The following ARHGAP42 variants were observed in gnomAD, a reference collection of about 807,000 sequenced individuals.
ARHGAP42 encodes the protein rho GTPase-activating protein 42.
Under a neutral mutation model 125.0 loss-of-function variants are expected in ARHGAP42, and 63 were observed. The observed-to-expected ratio is 0.50, with a 90% CI of 0.41 to 0.62. The LOEUF (loss-of-function observed/expected upper bound fraction) is 0.62. Ranked by LOEUF, ARHGAP42 falls within the 20% of genes least tolerant of loss-of-function variation. ARHGAP42 has a pLI of 0.00. For missense variants in ARHGAP42, 766 were observed against 1,024.2 expected (o/e 0.75, Z 3.44); for synonymous variants, 339 against 351.0 (o/e 0.97, Z 0.38).
chr11:100,854,461 T>C (rs781618169), intron 3 of ARHGAP42, among the ~76,000 whole-genome samples: 8 of 152,204 alleles, frequency 5.3e-5, no homozygotes, highest in Non-Finnish European at 1.0e-4. Context: ...GAATGACTAG[T>C]ATCCAGATAG....
At chr11:100,909,025 G>A (rs1866833353) in intron 4 of ARHGAP42, among the ~76,000 whole-genome samples, 1 of 152,104 alleles carries the variant, frequency 6.6e-6, no homozygotes, top group Admixed American at 6.6e-5. Flanking sequence ...CTGCTTGTGT[G>A]TCTTCTCTTG....
At chr11:100,978,188 G>A (rs1161821797) in intron 21 of ARHGAP42, among the ~76,000 whole-genome samples, 1 of 152,058 alleles carries the variant, frequency 6.6e-6, no homozygotes, top group Non-Finnish European at 1.5e-5. Context: ...TTTTGTGATT[G>A]TACCCATAAA....
Position 100,921,560 on chromosome 11 carries a change from A to C in ARHGAP42, c.553A>C (p.Ile185Leu). ...AGCATCATTAGAATATGTCTTTAAA[A>C]TTCAAGAGGTCCAAGAAAAAAAGAA... ...YEASLEYVFK[I>L]QEVQEKKKFE... Residue 185 changes from isoleucine to leucine, a missense_variant, in exon 6 of 24, where the codon ATT becomes CTT. By Grantham distance (5) the Ile-to-Leu change is conservative (BLOSUM62 2). Coordinates refer to ENST00000298815, the MANE Select transcript of ARHGAP42 (RefSeq NM_152432.4). 1 of 1,546,680 alleles carries C rather than the reference A, an allele frequency of 6.5e-7. No individual in the cohort carries two copies. Among genetic ancestry groups the C allele is most frequent in the Non-Finnish European group, 8.7e-7 (1 of 1,144,950 alleles).
chr11:100,779,028 AGCT>A (rs1863202012), intron 2 of ARHGAP42, among the ~76,000 whole-genome samples: 1 of 152,108 alleles, frequency 6.6e-6, no homozygotes, highest in Non-Finnish European at 1.5e-5. Context: ...AGTACTTTAG[AGCT>A]TTATTTGTAG....
chr11:100,772,842 G>T (rs925187106), intron 2 of ARHGAP42, among the ~76,000 whole-genome samples: 4 of 152,090 alleles, frequency 2.6e-5, no homozygotes, highest in African/African-American at 7.2e-5. Flanking sequence ...TCACTTAGTT[G>T]TTTATTTATT....
At chr11:100,707,134 G>C (rs1591118767) in intron 1 of ARHGAP42, among the ~76,000 whole-genome samples, 1 of 152,072 alleles carries the variant, frequency 6.6e-6, no homozygotes, top group Non-Finnish European at 1.5e-5. Flanking sequence ...ACCAAATTTT[G>C]TTATCAATTT....
At chr11:100,966,509 A>AT (rs1858098644) in intron 17 of ARHGAP42, among the ~76,000 whole-genome samples, 1 of 152,114 alleles carries the variant, frequency 6.6e-6, no homozygotes, top group South Asian at 2.1e-4. Context: ...CTGGGAACTC[A>AT]GTTTTTTTTC....
intron 1 of ARHGAP42, among the ~76,000 whole-genome samples, chr11:100,763,677 A>C (rs952403824): frequency 3.9e-5 from 6 of 152,006 alleles, no homozygotes; most frequent in Admixed American, 3.9e-4. Flanking sequence ...TTCAGTAGAG[A>C]TGGGGTTTCC....
intron 1 of ARHGAP42, among the ~76,000 whole-genome samples, chr11:100,751,261 T>C (rs1178406750): frequency 6.9e-6 from 1 of 145,460 alleles, no homozygotes; most frequent in African/African-American, 2.6e-5. Flanking sequence ...GTGTGTTATA[T>C]ATATAGTGTG....
intron 2 of ARHGAP42, among the ~76,000 whole-genome samples, chr11:100,781,617 C>T (rs193013323): frequency 3.0e-4 from 46 of 152,232 alleles, no homozygotes; most frequent in Non-Finnish European, 1.5e-4. Context: ...AATAAATCCT[C>T]ACCCCAAGGG....
intron 4 of ARHGAP42, among the ~76,000 whole-genome samples, chr11:100,900,219 A>G (rs1421338671): frequency 1.3e-5 from 2 of 152,206 alleles, no homozygotes; most frequent in Non-Finnish European, 2.9e-5. Flanking sequence ...TTCTTTAAGA[A>G]TGTTGAGTAT....
chr11:100,734,763 C>T (rs1231013133), intron 1 of ARHGAP42, among the ~76,000 whole-genome samples: 1 of 152,178 alleles, frequency 6.6e-6, no homozygotes, highest in Non-Finnish European at 1.5e-5. Context: ...TTCTCATACT[C>T]TACTTAACTC....
intron 1 of ARHGAP42, among the ~76,000 whole-genome samples, chr11:100,744,711 T>C (rs999220403): frequency 1.3e-5 from 2 of 152,184 alleles, no homozygotes; most frequent in Admixed American, 6.6e-5. Flanking sequence ...TAGAGAGTCT[T>C]TGTATGATGG....
chr11:100,898,269 C>T (rs1246700239), intron 4 of ARHGAP42, among the ~76,000 whole-genome samples: 3 of 152,178 alleles, frequency 2.0e-5, no homozygotes, highest in Non-Finnish European at 4.4e-5. Context: ...ATTTTTACGT[C>T]GATGTTCATC....
At chr11:100,975,260 G>A (rs76762589) in intron 19 of ARHGAP42, among the ~76,000 whole-genome samples, 17,383 of 151,974 alleles carry the variant, frequency 0.11, 1,196 homozygotes, top group Middle Eastern at 0.16. Flanking sequence ...CTGAGGAGAC[G>A]GATACTCCAT....
chr11:100,902,022 C>G (rs1039590808), intron 4 of ARHGAP42, among the ~76,000 whole-genome samples: 1 of 152,180 alleles, frequency 6.6e-6, no homozygotes, highest in African/African-American at 2.4e-5. Flanking sequence ...CAGAGCTATT[C>G]CTATTTGGCC....
chr11:100,712,181 A>ACTTAGT (rs1274792587), intron 1 of ARHGAP42, among the ~76,000 whole-genome samples: 1 of 152,200 alleles, frequency 6.6e-6, no homozygotes, highest in Admixed American at 6.5e-5. Flanking sequence ...AGTACTAATT[A>ACTTAGT]GTTGAGTCAC....
At chr11:100,959,323 A>G (rs1348286642) in intron 12 of ARHGAP42, among the ~76,000 whole-genome samples, 1 of 152,106 alleles carries the variant, frequency 6.6e-6, no homozygotes, top group Non-Finnish European at 1.5e-5. Flanking sequence ...CTGACAATGC[A>G]TGTTTTGAAT....
chr11:100,951,107 A>C (rs1308969181), intron 12 of ARHGAP42, among the ~76,000 whole-genome samples: 2 of 152,112 alleles, frequency 1.3e-5, no homozygotes, highest in Non-Finnish European at 2.9e-5. Flanking sequence ...TAAATATTGA[A>C]TGTATTAAAA....
Sources: allele counts gnomAD v4.1 joint callset (sites outside exome capture counted in the v4.1 genomes callset), GRCh38; gene constraint gnomAD v4.1.1; transcripts MANE v1.5; gene names NCBI Gene and HGNC (gene_info 2026-07-23, HGNC 2026-07-21).